Variants in MGAM observed in about 807,000 individuals in gnomAD.
MGAM encodes the protein maltase-glucoamylase, also known as alpha-1,4-glucosidase.
MGAM carries 253 observed loss-of-function variants against 358.8 expected under a neutral mutation model. The ratio of observed to expected loss-of-function variants is 0.71; its 90% CI spans 0.64 to 0.78. The LOEUF is 0.78. MGAM is among the 30% of genes least tolerant of loss of function. The pLI is 0.00. For missense variants in MGAM, 3,080 were observed against 3,432.6 expected, an observed-to-expected ratio of 0.90 and a Z score of 2.57; for synonymous variants, 1,105 against 1,227.1, an observed-to-expected ratio of 0.90 and a Z score of 2.08.
In MGAM at chr7:142,083,163, A is replaced by G. The variant is rs1814469386; in HGVS notation, c.6269-138A>G. The G allele has an allele frequency of 7.5e-6, 5 of 669,016 alleles. 1 individual carries two copies. In the East Asian group the frequency reaches 1.4e-4, roughly 19 times the overall value. The allele number at this position is 669,016 out of a possible 1,614,324, so 41.4% of individuals were successfully genotyped here. A position where few individuals can be genotyped will look rare whatever the true frequency, so the allele number is the denominator to read the frequency against. ...ACTTCCACTGAACTTCTTCAGTTCT[A>G]TGTGATTATGATAGAAAATACTGGC... is the stretch of plus-strand genomic sequence containing the variant. On this transcript the variant is annotated intron_variant, in intron 52 of 70. Coordinates refer to ENST00000475668, the MANE Select transcript of MGAM (RefSeq NM_001365693.1).
Position 142,092,037 on chromosome 7 carries a change from G to T in MGAM, c.6935G>T (p.Gly2312Val). ...CCAGAGAGGAGCTTGAAGTTTGATG[G>T]CATGTGGATTGTAAGTGTGTGTGTG... ...QNPERSLKFD[G>V]MWIDMNEPSS... Residue 2312 changes from glycine (G) to valine (V), a missense_variant, in exon 58 of 71, where the codon GGC becomes GTC. Around this residue, in one of 5 missense-constraint regions of MGAM, gnomAD observed 932 missense variants for 1,198.2 expected, o/e 0.78. Coordinates refer to ENST00000475668, the MANE Select transcript of MGAM (RefSeq NM_001365693.1). 2 of 1,539,450 alleles carry T rather than the reference G, an allele frequency of 1.3e-6. 1 individual carries two copies. The highest frequency in any genetic ancestry group is 1.8e-6 in the Non-Finnish European group (2 of 1,124,164).
chr7:142,023,245 G>A (rs1806628552), intron 7 of MGAM, among the ~76,000 whole-genome samples: 1 of 151,672 alleles, frequency 6.6e-6, no homozygotes, highest in Admixed American at 6.6e-5. Flanking sequence ...TATTTTTTTT[G>A]TAGAGACTGT....
At chr7:142,079,970 C>G (rs571391585) in intron 49 of MGAM, among the ~76,000 whole-genome samples, 1 of 146,662 alleles carries the variant, frequency 6.8e-6, no homozygotes, top group South Asian at 2.2e-4. Context: ...ACTACTCTAC[C>G]TCTTGACCAT....
intron 6 of MGAM, 100 bp from the exon 7 acceptor site, chr7:142,022,168 G>A (rs2128996415): frequency 4.6e-6 from 5 of 1,089,420 alleles, no homozygotes; most frequent in Non-Finnish European, 5.3e-6. Flanking sequence ...AATGAATGGG[G>A]GCTATTGAGT....
At position 142,096,340 on chromosome 7, in the gene MGAM, A is replaced by G; in HGVS notation, c.7617A>G (p.Ser2539=). The G allele has an allele frequency of 6.2e-7, 1 of 1,613,542 alleles. No individual in the cohort carries two copies. Among genetic ancestry groups the G allele is most frequent in the Non-Finnish European group, 8.5e-7 (1 of 1,179,566 alleles). The part of the protein sequence containing the change: ...VVRPLLHEFV[S]DQVTWDIDSQ... ...TCATTTCCCTTTCCAGGTTTGTGTC[A>G]GACCAGGTGACATGGGACATAGACA... Residue 2539 remains serine (S), a synonymous_variant, in exon 65 of 71, where the codon TCA becomes TCG. Transcript: ENST00000475668.
intron 1 of MGAM, among the ~76,000 whole-genome samples, chr7:141,998,923 A>G (rs1554449752): frequency 1.3e-5 from 2 of 152,058 alleles, no homozygotes; most frequent in African/African-American, 4.8e-5. Flanking sequence ...TTTCAGTAAG[A>G]TTATTTTCTG....
chr7:142,076,757 T>C lies in MGAM; in HGVS notation c.5424T>C (p.Asn1808=). The change falls in exon 47 of 71, where the codon AAT becomes AAC. Residue 1808 remains asparagine (N), a synonymous_variant. Transcript: ENST00000475668. ...IKILGMEEPS[N]VTVKHNGVPS... is the part of the protein sequence containing the mutation. ...TTCTTGGGATGGAGGAACCTAGCAA[T>C]GTTACGGTGAAACACAATGGTGTCC... 2 of 1,554,890 alleles carry C rather than the reference T, an allele frequency of 1.3e-6. 1 individual carries two copies. The highest frequency in any genetic ancestry group is 2.2e-5 in the South Asian group (2 of 89,180).
rs909709227 is a variant in MGAM, at chr7:142,065,233, G to A, written c.4485-102G>A. The stretch of plus-strand genomic sequence containing the variant: ...AGAGTCCCATGTTCCCTCCAGTCAC[G>A]CAGCAAACATTGACTAGGCTCAAGG... On this transcript the variant is annotated intron_variant, in intron 37 of 70. Transcript: ENST00000475668. 66 of 1,473,410 alleles carry A rather than the reference G, an allele frequency of 4.5e-5. 1 individual carries two copies. The African/African-American group carries it at 6.3e-4, about 14-fold the overall frequency. 91.3% of individuals were successfully genotyped at this position (1,473,410 alleles called of 1,614,324 possible). A position where few individuals can be genotyped will look rare whatever the true frequency, so the allele number is the denominator to read the frequency against.
chr7:141,994,980 A>G (rs1442514007), upstream of MGAM, among the ~76,000 whole-genome samples: 2 of 152,216 alleles, frequency 1.3e-5, no homozygotes, highest in Non-Finnish European at 2.9e-5. Context: ...TAGTTGGGGA[A>G]GTTATGAATT....
rs542688779 is a variant in MGAM at position 142,044,153 on chromosome 7, C to T, written c.2498+3307C>T. ...ATAATATGTACATTATATACACATA[C>T]GACGTATAATATATACATTATATAC... On this transcript the variant is annotated intron_variant, in intron 21 of 70. Coordinates refer to ENST00000475668, the MANE Select transcript of MGAM (RefSeq NM_001365693.1). Among the ~76,000 whole-genome samples the T allele has an allele frequency of 1.0e-4, 14 of 136,874 alleles. 2 individuals are homozygous for T. The highest frequency in any genetic ancestry group is 5.5e-4 in the Admixed American group (7 of 12,728). The allele number at this position is 136,874 out of a possible 152,430, so 89.8% of individuals were successfully genotyped here.
In MGAM at chr7:142,101,715, GA is replaced by G. The variant is rs554268039; in HGVS notation, c.7963+826del. 3.0e-3 allele frequency among the ~76,000 whole-genome samples: 450 copies of G among 151,758 alleles called. 2 individuals carry two copies. Among genetic ancestry groups the G allele is most frequent in the Admixed American group, 6.0e-3 (92 of 15,210 alleles). On this transcript the variant is annotated intron_variant, in intron 68 of 70. Transcript: ENST00000475668. ...GAGGTTGGGAGTTCGAGATCAGCCT[GA>G]CCAACATGCAGAAACCCCCTCTCTA...
At chr7:142,079,086 C>A in intron 49 of MGAM, 78 bp downstream of exon 49, 2 of 1,248,450 alleles carry the variant, frequency 1.6e-6, no homozygotes, top group Non-Finnish European at 2.3e-6. Context: ...GGTCACACAA[C>A]CCTAAAATAA....
intron 1 of MGAM, among the ~76,000 whole-genome samples, chr7:142,000,610 T>G (rs1157602438): frequency 2.0e-5 from 3 of 152,226 alleles, no homozygotes; most frequent in African/African-American, 7.2e-5. Flanking sequence ...GTGATGATTT[T>G]AAATAACATT....
intron 21 of MGAM, among the ~76,000 whole-genome samples, chr7:142,043,168 T>A (rs1809285400): frequency 8.5e-5 from 1 of 11,796 alleles, no homozygotes; most frequent in Non-Finnish European, 1.2e-4. Flanking sequence ...ATATCTATAT[T>A]ATATATACAT....
At chr7:142,000,547 C>A (rs2128977520) in intron 1 of MGAM, among the ~76,000 whole-genome samples, 1 of 152,242 alleles carries the variant, frequency 6.6e-6, no homozygotes, top group African/African-American at 2.4e-5. Flanking sequence ...ACTCGCCCTA[C>A]CTCTTGAAGA....
At chr7:142,081,216 G>A (rs577201306) in intron 50 of MGAM, among the ~76,000 whole-genome samples, 1 of 146,238 alleles carries the variant, frequency 6.8e-6, no homozygotes, top group African/African-American at 2.4e-5. Flanking sequence ...GACAACTGAG[G>A]TTTCTCTTCT....
At chr7:141,997,074 G>A (rs186500466) in intron 1 of MGAM, among the ~76,000 whole-genome samples, 1 of 152,282 alleles carries the variant, frequency 6.6e-6, no homozygotes, top group East Asian at 1.9e-4. Context: ...ACACACGCAG[G>A]CATTTCTTTT....
chr7:142,045,224 A>G (rs1453673685), intron 21 of MGAM, among the ~76,000 whole-genome samples: 18 of 20,034 alleles, frequency 9.0e-4, no homozygotes, highest in African/African-American at 2.0e-3. Context: ...TATGTATATA[A>G]TATATATTAT....
At chr7:142,052,668 G>A (rs190048546) in intron 25 of MGAM, 116 bp from the exon 26 acceptor site, 1 of 1,384,420 alleles carries the variant, frequency 7.2e-7, no homozygotes, top group African/African-American at 1.4e-5. Flanking sequence ...ATTGCCAAGT[G>A]ATAAGTGATG....
Sources: allele counts gnomAD v4.1 joint callset (sites outside exome capture counted in the v4.1 genomes callset), GRCh38; gene constraint gnomAD v4.1.1; regional missense constraint gnomAD v4.1.1; transcripts MANE v1.5; gene names NCBI Gene and HGNC (gene_info 2026-07-23, HGNC 2026-07-21).